UTRN: variants seen among roughly 807,000 people sequenced by gnomAD.
The protein encoded by UTRN is dystrophin-related protein 1.
UTRN carries 283 observed loss-of-function variants against 463.9 expected under a neutral mutation model. That is an observed-to-expected ratio of 0.61 (90% CI 0.55 to 0.67). UTRN has a LOEUF of 0.67. Ranked by LOEUF, UTRN falls within the 30% of genes least tolerant of loss-of-function variation. The pLI is 0.00. For synonymous variants in UTRN, 1,442 were observed against 1,431.5 expected (o/e 1.01, Z -0.17); for missense variants, 3,922 against 4,084.3 (o/e 0.96, Z 1.08).
chr6:144,287,268 A>G (rs745402971), intron 1 of UTRN, among the ~76,000 whole-genome samples: 1 of 152,174 alleles, frequency 6.6e-6, no homozygotes, highest in Non-Finnish European at 1.5e-5. Flanking sequence ...GACCGATGAG[A>G]CAACTCTTTA....
At chr6:144,526,207 T>C (rs1796557682) in intron 41 of UTRN, among the ~76,000 whole-genome samples, 1 of 152,236 alleles carries the variant, frequency 6.6e-6, no homozygotes, top group African/African-American at 2.4e-5. Flanking sequence ...CCATTTGTTC[T>C]AGGGTATAGT....
intron 2 of UTRN, among the ~76,000 whole-genome samples, chr6:144,360,027 TCTTTTTTCCCTTCCC>T (rs1778907513): frequency 6.9e-6 from 1 of 145,226 alleles, no homozygotes; most frequent in South Asian, 2.3e-4. Flanking sequence ...TCTTTTCTTT[TCTTTTTTCCCTTCCC>T]TTCCCTTCCC....
intron 2 of UTRN, among the ~76,000 whole-genome samples, chr6:144,400,492 G>A (rs2114790667): frequency 6.6e-6 from 1 of 152,270 alleles, no homozygotes; most frequent in African/African-American, 2.4e-5. Flanking sequence ...TAATTGTTGT[G>A]ATGTGGAGGT....
rs1301057347 is a variant in UTRN, at chr6:144,751,883, T to G, written c.8286T>G (p.Leu2762=). ...ATTTATCCAGTCAGCTGTCTCCACT[T>G]GACCTGCATCCCTCTCTAAAGATGT... The part of the protein sequence containing the change: ...VNDLSSQLSP[L]DLHPSLKMSR... The change falls in exon 56 of 75, where the codon CTT becomes CTG. Residue 2762 remains leucine, a synonymous_variant. Transcript: ENST00000367545. 6.2e-7 allele frequency: 1 copy of G among 1,612,858 alleles called. No homozygotes were observed. The highest frequency in any genetic ancestry group is 1.7e-5 in the Admixed American group (1 of 59,834).
intron 51 of UTRN, among the ~76,000 whole-genome samples, chr6:144,597,013 C>G (rs540743925): frequency 6.6e-6 from 1 of 152,196 alleles, no homozygotes; most frequent in East Asian, 1.9e-4. Flanking sequence ...CCAAGGTGGA[C>G]AGATCATGAG....
At chr6:144,450,660 G>A (rs1270026671) in intron 17 of UTRN, among the ~76,000 whole-genome samples, 2 of 152,182 alleles carry the variant, frequency 1.3e-5, no homozygotes, top group Middle Eastern at 3.2e-3. Context: ...CTGACATTTA[G>A]TAAGGCTCAA....
Position 144,782,843 on chromosome 6 carries a change from ACATTAGGAATTACT to A in UTRN, c.8834+725_8834+738del, listed in dbSNP as rs994806315. Among the ~76,000 whole-genome samples, 27 of 152,248 alleles carry A rather than the reference ACATTAGGAATTACT, an allele frequency of 1.8e-4. No individual in the cohort carries two copies. In the South Asian group the frequency reaches 4.4e-3, roughly 25 times the overall value. ...CCTGCTGTGGGCTGACATTTCTGAA[ACATTAGGAATTACT>A]CATTGTTCTGGTGGGAGGTTAAAGT... is the stretch of plus-strand genomic sequence containing the variant. On this transcript the variant is annotated intron_variant, in intron 61 of 74. Coordinates refer to ENST00000367545, the MANE Select transcript of UTRN (RefSeq NM_007124.3).
chr6:144,840,921 A>G (rs1781521489), intron 73 of UTRN, 89 bp downstream of exon 73: 2 of 1,399,482 alleles, frequency 1.4e-6, no homozygotes, highest in Non-Finnish European at 2.0e-6. Flanking sequence ...CTTCCTTAAG[A>G]TAACAAAAAC....
chr6:144,772,032 T>G (rs1476375697), intron 59 of UTRN, 64 bp downstream of exon 59: 143 of 1,056,708 alleles, frequency 1.4e-4, no homozygotes, highest in Admixed American at 6.4e-4. Context: ...TTTTTTTTTT[T>G]TTTTTTTTTT....
chr6:144,742,711 A>G lies in UTRN; in HGVS notation c.7940-5535A>G, dbSNP rs12665635. Among the ~76,000 whole-genome samples the G allele has an allele frequency of 3.3e-3, 503 of 152,310 alleles. 18 individuals carry two copies. The East Asian group carries it at 0.078, about 24-fold the overall frequency. On this transcript the variant is annotated intron_variant, in intron 54 of 74. Transcript: ENST00000367545. ...TGTGCCAGTAGCTTTCTATGTATTA[A>G]CTGAGGTTGAAAGAGATAAGGAATA... is the stretch of plus-strand genomic sequence containing the variant.
At chr6:144,420,458 C>G (rs910547045) in intron 3 of UTRN, among the ~76,000 whole-genome samples, 2 of 152,074 alleles carry the variant, frequency 1.3e-5, no homozygotes, top group Admixed American at 6.5e-5. Context: ...GGTGATCACC[C>G]CATTGCATAA....
intron 51 of UTRN, among the ~76,000 whole-genome samples, chr6:144,671,526 G>A (rs1304526783): frequency 6.6e-6 from 1 of 151,860 alleles, no homozygotes; most frequent in Non-Finnish European, 1.5e-5. Context: ...ATCAGATCTG[G>A]GAGCTTTTTG....
chr6:144,394,358 G>C (rs963479293), intron 2 of UTRN, among the ~76,000 whole-genome samples: 1 of 152,104 alleles, frequency 6.6e-6, no homozygotes, highest in African/African-American at 2.4e-5. Flanking sequence ...AGAGCCAAAG[G>C]AAAGGGGAAA....
At chr6:144,611,918 A>G (rs1301060093) in intron 51 of UTRN, among the ~76,000 whole-genome samples, 1 of 152,190 alleles carries the variant, frequency 6.6e-6, no homozygotes, top group Non-Finnish European at 1.5e-5. Flanking sequence ...GCAAGCAAAC[A>G]AACAAAAAAC....
chr6:144,428,718 A>G (rs1158152577), intron 7 of UTRN, 60 bp from the exon 8 acceptor site: 27 of 937,560 alleles, frequency 2.9e-5, no homozygotes, highest in Non-Finnish European at 4.0e-5. Context: ...AGATTATAAC[A>G]ATGCCTACTT....
chr6:144,319,547 A>G (rs899121815), intron 2 of UTRN, among the ~76,000 whole-genome samples: 5 of 152,128 alleles, frequency 3.3e-5, no homozygotes, highest in African/African-American at 1.2e-4. Context: ...GAAACATTGT[A>G]TGTTTCTATC....
At position 144,447,711 on chromosome 6, in the gene UTRN, A is replaced by G. The variant is rs200424265; in HGVS notation, c.1832A>G (p.Asn611Ser). 3.9e-4 allele frequency: 623 copies of G among 1,613,994 alleles called. 1 individual carries two copies. The highest frequency in any genetic ancestry group is 5.0e-4 in the Non-Finnish European group (588 of 1,179,966). Reference protein sequence around the residue: ...LDNSKASKKINSDSEELTQRW... With the variant: ...LDNSKASKKISSDSEELTQRW... The stretch of plus-strand genomic sequence containing the variant: ...AATTCCAAGGCATCTAAGAAGATCA[A>G]CAGTGACTCAGAGGAACTGACTCAA... Residue 611 changes from asparagine to serine, a missense_variant, in exon 16 of 75, where the codon AAC becomes AGC. Physicochemically the swap from Asn to Ser is conservative, Grantham distance 46. Around this residue, in one of 3 missense-constraint regions of UTRN, gnomAD observed 2,349 missense variants for 2,303.8 expected, o/e 1.02. Coordinates refer to ENST00000367545, the MANE Select transcript of UTRN (RefSeq NM_007124.3).
At chr6:144,484,073 T>G (rs1287681383) in intron 27 of UTRN, among the ~76,000 whole-genome samples, 28 of 152,210 alleles carry the variant, frequency 1.8e-4, no homozygotes, top group Admixed American at 1.8e-3. Flanking sequence ...GCTGAGTTCT[T>G]TCTCCTAAAC....
At chr6:144,515,448 T>A (rs1193516399) in intron 37 of UTRN, among the ~76,000 whole-genome samples, 2 of 152,148 alleles carry the variant, frequency 1.3e-5, no homozygotes, top group East Asian at 3.8e-4. Flanking sequence ...ACTCTATATA[T>A]GTCTTCACAT....
Sources: gnomAD v4.1 joint callset for allele counts (sites outside exome capture counted in the v4.1 genomes callset) on GRCh38, gnomAD v4.1.1 for gene constraint, gnomAD v4.1.1 regional missense constraint, MANE v1.5 for transcripts, NCBI Gene and HGNC (gene_info 2026-07-23, HGNC 2026-07-21) for gene names.